SLC35F3: variants seen among roughly 807,000 people sequenced by gnomAD.
SLC35F3 encodes the protein solute carrier family 35 member F3.
A neutral mutation model predicts 49.9 loss-of-function variants in SLC35F3; 25 were observed. The observed-to-expected ratio is 0.50, with a 90% CI of 0.37 to 0.70. The LOEUF (loss-of-function observed/expected upper bound fraction) is 0.70. Among genes scored for constraint, SLC35F3 ranks in the 30% least tolerant of loss-of-function variants. The pLI, the probability that SLC35F3 is intolerant of heterozygous loss-of-function variation, is 0.00. For missense variants in SLC35F3, 525 were observed against 639.8 expected, an observed-to-expected ratio of 0.82 and a Z score of 1.94; for synonymous variants, 275 against 265.4, an observed-to-expected ratio of 1.04 and a Z score of -0.35.
rs1665774018 is a variant in SLC35F3, at chr1:234,134,086, A to G, written c.284-97331A>G. Among the ~76,000 whole-genome samples, 3 of 152,210 alleles carry G rather than the reference A, an allele frequency of 2.0e-5. No homozygotes were observed. The South Asian group carries it at 6.2e-4, about 31-fold the overall frequency. Reference sequence around the variant, plus strand: ...ATAAGTTGGCTTTTTCAGATCATGGAGAGCTTTAAATGCCATCCCAAAGAG... The same window carrying G: ...ATAAGTTGGCTTTTTCAGATCATGGGGAGCTTTAAATGCCATCCCAAAGAG... On this transcript the variant is annotated intron_variant, in intron 2 of 7. Transcript: ENST00000366618.
chr1:234,006,024 T>C (rs892668009), intron 2 of SLC35F3, among the ~76,000 whole-genome samples: 1 of 152,196 alleles, frequency 6.6e-6, no homozygotes, highest in African/African-American at 2.4e-5. Context: ...TCCAGGATGA[T>C]GCATTGGTAC....
intron 3 of SLC35F3, among the ~76,000 whole-genome samples, chr1:234,296,526 T>C (rs1373109139): frequency 7.2e-5 from 11 of 152,230 alleles, no homozygotes; most frequent in Admixed American, 7.2e-4. Context: ...CTGCTTCACT[T>C]GCCATCTTAG....
intron 2 of SLC35F3, among the ~76,000 whole-genome samples, chr1:233,927,336 T>C (rs766796002): frequency 2.1e-4 from 32 of 152,192 alleles, no homozygotes; most frequent in South Asian, 8.3e-4. Flanking sequence ...GCTTAACTCA[T>C]TGAATAATAT....
At chr1:233,941,803 T>C (rs1662426277) in intron 2 of SLC35F3, among the ~76,000 whole-genome samples, 1 of 152,094 alleles carries the variant, frequency 6.6e-6, no homozygotes, top group Non-Finnish European at 1.5e-5. Context: ...TTTATTGAGA[T>C]ATGGTTCATA....
chr1:233,993,269 A>C (rs1572012031), intron 2 of SLC35F3, among the ~76,000 whole-genome samples: 3 of 152,124 alleles, frequency 2.0e-5, no homozygotes, highest in Admixed American at 6.5e-5. Flanking sequence ...GACTGGACCA[A>C]ACATTTTTAC....
In SLC35F3 at chr1:234,296,587, A is replaced by G. The variant is rs536564257; in HGVS notation, c.609-12514A>G. ...AGTCATCTCTGTCTTTGCCACTTCCATCTTCACCTTTGTCATAGAGCTCAG... is the reference window on the plus strand; with the variant it reads ...AGTCATCTCTGTCTTTGCCACTTCCGTCTTCACCTTTGTCATAGAGCTCAG... On this transcript the variant is annotated intron_variant, in intron 3 of 7. Coordinates refer to ENST00000366618, the MANE Select transcript of SLC35F3 (RefSeq NM_173508.4). 1.3e-5 allele frequency among the ~76,000 whole-genome samples: 2 copies of G among 152,338 alleles called. 1 individual carries two copies. Among genetic ancestry groups the G allele is most frequent in the Non-Finnish European group, 2.9e-5 (2 of 68,032 alleles).
At chr1:234,267,903 C>G (rs1180671333) in intron 3 of SLC35F3, among the ~76,000 whole-genome samples, 1 of 142,638 alleles carries the variant, frequency 7.0e-6, no homozygotes, top group Non-Finnish European at 1.5e-5. Context: ...GATGGGCTGC[C>G]GGGCAGAGAC....
At chr1:234,237,736 TCTGTCTCAGGTG>T (rs1188211561) in intron 3 of SLC35F3, among the ~76,000 whole-genome samples, 1 of 152,220 alleles carries the variant, frequency 6.6e-6, no homozygotes. Context: ...CAGCACCTTC[TCTGTCTCAGGTG>T]CTGTTCTAGG....
At chr1:234,316,196 T>G (rs1322230941) in intron 4 of SLC35F3, among the ~76,000 whole-genome samples, 1 of 152,216 alleles carries the variant, frequency 6.6e-6, no homozygotes, top group Non-Finnish European at 1.5e-5. Context: ...CAGGAGGTAC[T>G]TTCAGAAGGC....
chr1:234,161,119 T>G (rs988933614), intron 2 of SLC35F3, among the ~76,000 whole-genome samples: 3 of 152,240 alleles, frequency 2.0e-5, no homozygotes, highest in Non-Finnish European at 2.9e-5. Context: ...ACTGTCATTC[T>G]GCACTCAACA....
chr1:234,089,255 C>T (rs1665006749), intron 2 of SLC35F3, among the ~76,000 whole-genome samples: 2 of 152,180 alleles, frequency 1.3e-5, no homozygotes, highest in Admixed American at 1.3e-4. Flanking sequence ...ACCATAAAGT[C>T]CTCTCAGTTT....
intron 2 of SLC35F3, among the ~76,000 whole-genome samples, chr1:233,908,429 A>G (rs1661810713): frequency 6.6e-6 from 1 of 152,096 alleles, no homozygotes; most frequent in African/African-American, 2.4e-5. Flanking sequence ...TGTTAAGATA[A>G]ATGAGGTAAT....
At chr1:234,275,588 TAGACAGAC>T (rs201072351) in intron 3 of SLC35F3, among the ~76,000 whole-genome samples, 1 of 150,584 alleles carries the variant, frequency 6.6e-6, no homozygotes, top group Non-Finnish European at 1.5e-5. Context: ...GGTAGGTAGA[TAGACAGAC>T]AGACAGACAC....
chr1:234,246,905 C>A (rs370145592), intron 3 of SLC35F3, among the ~76,000 whole-genome samples: 1 of 152,126 alleles, frequency 6.6e-6, no homozygotes, highest in Non-Finnish European at 1.5e-5. Flanking sequence ...CAGATGGTGT[C>A]GGTCGGGGGT....
chr1:233,934,591 C>T (rs538084455), intron 2 of SLC35F3, among the ~76,000 whole-genome samples: 7 of 152,022 alleles, frequency 4.6e-5, no homozygotes, highest in African/African-American at 1.7e-4. Context: ...GTAAAATATC[C>T]AAAATGAAAT....
rs536476681 is a variant in SLC35F3, at chr1:233,924,832, G to T, written c.283+19074G>T. 5.9e-5 allele frequency among the ~76,000 whole-genome samples: 9 copies of T among 152,316 alleles called. No homozygotes were observed. The East Asian group carries it at 1.7e-3, about 29-fold the overall frequency. ...TGTCCCAGAGATTCTGGTATGTTGT[G>T]TCTTTGTTCTCATTGGTTTCAAAGA... On this transcript the variant is annotated intron_variant, in intron 2 of 7. Coordinates refer to ENST00000366618, the MANE Select transcript of SLC35F3 (RefSeq NM_173508.4).
At chr1:234,051,968 C>G (rs1274741820) in intron 2 of SLC35F3, among the ~76,000 whole-genome samples, 1 of 152,172 alleles carries the variant, frequency 6.6e-6, no homozygotes, top group Non-Finnish European at 1.5e-5. Flanking sequence ...GTTGAACAAG[C>G]CTTGCATCAC....
chr1:233,971,580 G>T (rs142687634), intron 2 of SLC35F3, among the ~76,000 whole-genome samples: 1 of 152,082 alleles, frequency 6.6e-6, no homozygotes, highest in African/African-American at 2.4e-5. Flanking sequence ...ATTAGCCAGC[G>T]TGGTGGTGGT....
At chr1:234,141,385 T>C (rs962368547) in intron 2 of SLC35F3, among the ~76,000 whole-genome samples, 4 of 152,168 alleles carry the variant, frequency 2.6e-5, no homozygotes, top group African/African-American at 9.7e-5. Flanking sequence ...CTCCCCCTTT[T>C]TTAAAACTTT....
Sources: gnomAD v4.1 joint callset for allele counts (sites outside exome capture counted in the v4.1 genomes callset) on GRCh38, gnomAD v4.1.1 for gene constraint, MANE v1.5 for transcripts, NCBI Gene and HGNC (gene_info 2026-07-23, HGNC 2026-07-21) for gene names.